CSMD1: variants seen among roughly 807,000 people sequenced by gnomAD.
The protein encoded by CSMD1 is CUB and sushi domain-containing protein 1.
A neutral mutation model predicts 417.5 loss-of-function variants in CSMD1; 213 were observed. That is an observed-to-expected ratio of 0.51 (90% CI 0.46 to 0.57). The LOEUF (loss-of-function observed/expected upper bound fraction) is 0.57. Ranked by LOEUF, CSMD1 falls within the 20% of genes least tolerant of loss-of-function variation. The probability of loss-of-function intolerance (pLI) is 0.00; values close to 1 mark genes in which losing one functional copy is unlikely to be tolerated. For synonymous variants in CSMD1, 2,862 were observed against 1,736.8 expected, an observed-to-expected ratio of 1.65 and a Z score of -16.11; for missense variants, 6,923 against 4,529.7, an observed-to-expected ratio of 1.53 and a Z score of -15.17.
At chr8:4,486,008 T>C (rs529796789) in intron 2 of CSMD1, among the ~76,000 whole-genome samples, 1 of 151,764 alleles carries the variant, frequency 6.6e-6, no homozygotes, top group South Asian at 2.1e-4. Context: ...CCTTATGTAA[T>C]AGCAATTATT....
chr8:4,120,067 T>C (rs1048797489), intron 3 of CSMD1, among the ~76,000 whole-genome samples: 17 of 152,216 alleles, frequency 1.1e-4, no homozygotes, highest in Admixed American at 2.6e-4. Flanking sequence ...AATTGGATTA[T>C]TTGTAATACA....
chr8:4,638,699 C>G (rs948233438), intron 1 of CSMD1, among the ~76,000 whole-genome samples: 1 of 152,210 alleles, frequency 6.6e-6, no homozygotes, highest in Non-Finnish European at 1.5e-5. Context: ...TCACGTTTTA[C>G]TCAGCCCTCC....
chr8:3,771,428 G>A (rs1405107562), intron 5 of CSMD1, among the ~76,000 whole-genome samples: 1 of 152,154 alleles, frequency 6.6e-6, no homozygotes, highest in Non-Finnish European at 1.5e-5. Flanking sequence ...TTTTGCAGAT[G>A]ATAGCAAGTT....
chr8:3,065,423 G>C (rs897422829), intron 49 of CSMD1, among the ~76,000 whole-genome samples: 5 of 152,054 alleles, frequency 3.3e-5, no homozygotes, highest in African/African-American at 1.2e-4. Context: ...AATCAGTAGA[G>C]AGATGATAGG....
chr8:4,306,852 T>G (rs1298569647), intron 3 of CSMD1, among the ~76,000 whole-genome samples: 1 of 149,476 alleles, frequency 6.7e-6, no homozygotes, highest in Non-Finnish European at 1.5e-5. Context: ...AATCTAATAA[T>G]TTTTCAATCT....
chr8:3,130,333 G>A (rs571511059), intron 41 of CSMD1, among the ~76,000 whole-genome samples: 47 of 152,118 alleles, frequency 3.1e-4, no homozygotes, highest in Non-Finnish European at 4.9e-4. Flanking sequence ...ATTGTACGTC[G>A]TGCATACAGC....
intron 6 of CSMD1, among the ~76,000 whole-genome samples, chr8:3,747,199 C>T (rs1797104151): frequency 6.6e-6 from 1 of 152,112 alleles, no homozygotes. Context: ...ATGACGAGAG[C>T]CACAGCCCTT....
intron 2 of CSMD1, among the ~76,000 whole-genome samples, chr8:4,432,885 C>G (rs548594276): frequency 6.6e-6 from 1 of 152,180 alleles, no homozygotes; most frequent in Non-Finnish European, 1.5e-5. Context: ...ATGTGGCTGC[C>G]CATCAAGGGG....
chr8:3,110,371 A>C (rs867941948), intron 42 of CSMD1, 36 bp from the exon 43 acceptor site: 1 of 1,533,032 alleles, frequency 6.5e-7, no homozygotes, highest in East Asian at 2.3e-5. Context: ...AGCGCCATAC[A>C]GCTGATTTTA....
At chr8:3,363,846 G>C (rs1809371273) in intron 20 of CSMD1, among the ~76,000 whole-genome samples, 1 of 152,170 alleles carries the variant, frequency 6.6e-6, no homozygotes, top group African/African-American at 2.4e-5. Context: ...GGAGTATCCA[G>C]TGCACATAGT....
At chr8:3,911,204 G>C (rs1324808578) in intron 5 of CSMD1, among the ~76,000 whole-genome samples, 1 of 152,182 alleles carries the variant, frequency 6.6e-6, no homozygotes, top group Non-Finnish European at 1.5e-5. Context: ...GGGACTAGAT[G>C]TCAGCATCTC....
intron 2 of CSMD1, among the ~76,000 whole-genome samples, chr8:4,538,761 G>A (rs189982231): frequency 6.9e-4 from 105 of 152,318 alleles, no homozygotes; most frequent in Non-Finnish European, 1.3e-3. Flanking sequence ...GGGATTTGAT[G>A]AAGTTAGTGT....
chr8:4,435,804 G>A (rs570502650), intron 2 of CSMD1, among the ~76,000 whole-genome samples: 7 of 152,168 alleles, frequency 4.6e-5, no homozygotes, highest in East Asian at 1.9e-4. Flanking sequence ...AAGACAGACC[G>A]TGTCCCGAAC....
At chr8:4,205,073 T>G (rs1348114323) in intron 3 of CSMD1, among the ~76,000 whole-genome samples, 1 of 152,238 alleles carries the variant, frequency 6.6e-6, no homozygotes, top group East Asian at 1.9e-4. Flanking sequence ...CCACAGAGTT[T>G]ACTGTAAACA....
In CSMD1 at chr8:3,787,295, T is replaced by C. The variant is rs143421972; in HGVS notation, c.819-33253A>G. Among the ~76,000 whole-genome samples the C allele has an allele frequency of 2.1e-3, 313 of 152,174 alleles. 1 individual carries two copies. Among genetic ancestry groups the C allele is most frequent in the Middle Eastern group, 0.01 (3 of 294 alleles). ...AAAAACCATAATCAATTTTAGAAAA[T>C]TGATTTCATGGATATTTAAATTGGA... On this transcript the variant is annotated intron_variant, in intron 5 of 69. Transcript: ENST00000635120.
At chr8:3,376,730 G>GTATTGAGTATGTAAAATGTA (rs1810330088) in intron 18 of CSMD1, among the ~76,000 whole-genome samples, 1 of 152,044 alleles carries the variant, frequency 6.6e-6, no homozygotes, top group Admixed American at 6.5e-5. Flanking sequence ...CTGAACTGAT[G>GTATTGAGTATGTAAAATGTA]CTATGCACCC....
chr8:4,456,020 T>C (rs1031956326), intron 2 of CSMD1, among the ~76,000 whole-genome samples: 3 of 123,674 alleles, frequency 2.4e-5, no homozygotes, highest in Non-Finnish European at 4.8e-5. Flanking sequence ...CTTAACACAG[T>C]CCATTCTCCT....
chr8:3,463,970 G>T (rs150821589), intron 12 of CSMD1, among the ~76,000 whole-genome samples: 1 of 152,270 alleles, frequency 6.6e-6, no homozygotes, highest in Non-Finnish European at 1.5e-5. Context: ...GTATTCATCG[G>T]ACGAAGGAGA....
chr8:3,209,534 T>C (rs897712602), intron 30 of CSMD1, among the ~76,000 whole-genome samples: 2 of 152,044 alleles, frequency 1.3e-5, no homozygotes, highest in African/African-American at 4.8e-5. Flanking sequence ...TTAGCCAGGA[T>C]GTTATTGATC....
Sources: allele counts gnomAD v4.1 joint callset (sites outside exome capture counted in the v4.1 genomes callset), GRCh38; gene constraint gnomAD v4.1.1; transcripts MANE v1.5; gene names NCBI Gene and HGNC (gene_info 2026-07-23, HGNC 2026-07-21).